ALKBH5: variants seen among roughly 807,000 people sequenced by gnomAD.
ALKBH5 encodes the protein alkB homolog 5, RNA demethylase, also known as RNA demethylase ALKBH5.
A neutral mutation model predicts 32.1 loss-of-function variants in ALKBH5; 2 were observed. The ratio of observed to expected loss-of-function variants is 0.06; its 90% CI spans 0.03 to 0.20. The LOEUF (loss-of-function observed/expected upper bound fraction) is 0.20, where lower values mean the gene tolerates loss of function less well. ALKBH5 is among the 10% of genes least tolerant of loss of function. The pLI, the probability that ALKBH5 is intolerant of heterozygous loss-of-function variation, is 1.00. For missense variants in ALKBH5, 352 were observed against 559.5 expected, an observed-to-expected ratio of 0.63 and a Z score of 3.74; for synonymous variants, 300 against 231.7, an observed-to-expected ratio of 1.29 and a Z score of -2.68.
chr17:18,201,897 C>CCGAG (rs2047243576), intron 2 of ALKBH5, among the ~76,000 whole-genome samples: 1 of 151,978 alleles, frequency 6.6e-6, no homozygotes, highest in Non-Finnish European at 1.5e-5. Context: ...TACCTATAGT[C>CCGAG]CGAGCTACTC....
At chr17:18,199,516 T>C (rs2047224055) in intron 2 of ALKBH5, among the ~76,000 whole-genome samples, 1 of 152,132 alleles carries the variant, frequency 6.6e-6, no homozygotes, top group South Asian at 2.1e-4. Context: ...AGCATCCACA[T>C]ATTAACCTTG....
chr17:18,195,064 C>T (rs781351982), intron 2 of ALKBH5, 29 bp downstream of exon 2: 1 of 1,598,600 alleles, frequency 6.3e-7, no homozygotes, highest in East Asian at 2.2e-5. Flanking sequence ...GACCTTCTGC[C>T]TCACCTGCAG....
intron 2 of ALKBH5, among the ~76,000 whole-genome samples, chr17:18,206,371 GCT>G (rs1465699826): frequency 1.3e-5 from 2 of 152,094 alleles, no homozygotes; most frequent in African/African-American, 4.8e-5. Context: ...GGTAGCTCTG[GCT>G]CTCTTTCTCT....
intron 1 of ALKBH5, among the ~76,000 whole-genome samples, chr17:18,191,278 A>AG (rs1413725309): frequency 6.6e-6 from 1 of 152,178 alleles, no homozygotes; most frequent in East Asian, 1.9e-4. Flanking sequence ...TTCTGAGGAA[A>AG]GGGTCAGTGG....
Position 18,184,453 on chromosome 17 carries a change from C to T in ALKBH5, c.210C>T (p.Asp70=), listed in dbSNP as rs1197257163. 1 of 1,610,964 alleles carries T rather than the reference C, an allele frequency of 6.2e-7. No individual in the cohort carries two copies. The highest frequency in any genetic ancestry group is 8.5e-7 in the Non-Finnish European group (1 of 1,178,962). Residue 70 remains aspartate, a synonymous_variant, in exon 1 of 4, where the codon GAC becomes GAT. Transcript: ENST00000399138. ...YQEDSDPERS[D]YEEQQLQKEE... is the part of the protein sequence containing the mutation. ...AGGACTCGGACCCCGAGCGCAGCGA[C>T]TATGAGGAGCAGCAGCTGCAGAAGG...
intron 1 of ALKBH5, among the ~76,000 whole-genome samples, chr17:18,187,162 A>C (rs2047144336): frequency 6.6e-6 from 1 of 152,030 alleles, no homozygotes; most frequent in African/African-American, 2.4e-5. Flanking sequence ...AAGCACACTG[A>C]AGGGGGACAT....
intron 2 of ALKBH5, among the ~76,000 whole-genome samples, chr17:18,196,647 A>G (rs77428604): frequency 6.6e-6 from 1 of 152,236 alleles, no homozygotes; most frequent in Admixed American, 6.5e-5. Context: ...ATATACTATC[A>G]ATGTAACTTA....
At chr17:18,196,851 G>C (rs1035438677) in intron 2 of ALKBH5, among the ~76,000 whole-genome samples, 11 of 151,970 alleles carry the variant, frequency 7.2e-5, no homozygotes. Context: ...TCTGCAGGGG[G>C]GATTGGTCTA....
In ALKBH5 at chr17:18,194,926, A is replaced by G. The variant is rs374762911; in HGVS notation, c.771-29A>G. ...AACTTTGGTTGTCTGTCTACTCTTC[A>G]TGGTCACATGTTCTGTGTTTCTTTT... On this transcript the variant is annotated intron_variant, in intron 1 of 3. Coordinates refer to ENST00000399138, the MANE Select transcript of ALKBH5 (RefSeq NM_017758.4). The G allele has an allele frequency of 1.9e-5, 31 of 1,610,396 alleles. No homozygotes were observed. In the African/African-American group the frequency reaches 3.3e-4, roughly 17 times the overall value.
chr17:18,206,915 C>T lies in ALKBH5; in HGVS notation c.952C>T (p.Pro318Ser). 1.9e-6 allele frequency: 3 copies of T among 1,614,246 alleles called. No individual in the cohort carries two copies. Among genetic ancestry groups the T allele is most frequent in the Non-Finnish European group, 2.5e-6 (3 of 1,180,050 alleles). The change falls in exon 3 of 4, where the codon CCT becomes TCT. Residue 318 changes from proline to serine, a missense_variant. Physicochemically the swap from Pro to Ser is moderately conservative, Grantham distance 74. This residue lies in a region of ALKBH5 where 124 missense variants were observed against 142.4 expected (regional missense o/e 0.87). Transcript: ENST00000399138. ...SDRLSGNNRD[P>S]ALKPKRSHRK... ...TCGCCTGTCAGGAAACAACAGGGAC[C>T]CTGCTCTGAAACCCAAGCGGTCCCA...
intron 1 of ALKBH5, among the ~76,000 whole-genome samples, chr17:18,186,492 C>T (rs2047140263): frequency 6.6e-6 from 1 of 152,134 alleles, no homozygotes; most frequent in Non-Finnish European, 1.5e-5. Context: ...TAGTCATTGG[C>T]CCTCAGGGTG....
intron 1 of ALKBH5, among the ~76,000 whole-genome samples, chr17:18,190,715 A>G (rs1006443101): frequency 2.6e-5 from 4 of 152,140 alleles, no homozygotes; most frequent in Admixed American, 2.6e-4. Context: ...CTGTGCAGGG[A>G]TGAGTAAGGC....
At chr17:18,194,234 A>G (rs145332068) in intron 1 of ALKBH5, among the ~76,000 whole-genome samples, 247 of 152,086 alleles carry the variant, frequency 1.6e-3, no homozygotes, top group African/African-American at 5.7e-3. Flanking sequence ...GCTCACTGCA[A>G]CTTCTGCCTC....
At chr17:18,185,245 G>A (rs750389867) in intron 1 of ALKBH5, among the ~76,000 whole-genome samples, 8 of 152,176 alleles carry the variant, frequency 5.3e-5, no homozygotes, top group Non-Finnish European at 1.0e-4. Flanking sequence ...CGGGATCACT[G>A]ACTTGGCTGA....
intron 1 of ALKBH5, among the ~76,000 whole-genome samples, chr17:18,188,158 C>T (rs1212834202): frequency 6.6e-6 from 1 of 152,234 alleles, no homozygotes; most frequent in Non-Finnish European, 1.5e-5. Flanking sequence ...TTTTTATCTT[C>T]ATATCACTTT....
chr17:18,208,395 G>A lies in ALKBH5; in HGVS notation c.1184G>A (p.Ter395=). 1.9e-6 allele frequency: 3 copies of A among 1,612,206 alleles called. No individual in the cohort carries two copies. The highest frequency in any genetic ancestry group is 2.5e-6 in the Non-Finnish European group (3 of 1,179,220). The change falls in exon 4 of 4, where the codon TGA becomes TAA. Residue 395 remains the stop codon, a stop_retained_variant. Coordinates refer to ENST00000399138, the MANE Select transcript of ALKBH5 (RefSeq NM_017758.4). ...CGAAAGGTGAAGATGCGGCGGCACT[G>A]AGTCTACCCGCCGCCCTCCTGGGAA... The part of the protein sequence containing the change: ...PARKVKMRRH[*]
intron 1 of ALKBH5, among the ~76,000 whole-genome samples, chr17:18,186,320 G>A (rs753443065): frequency 6.6e-6 from 1 of 152,200 alleles, no homozygotes; most frequent in Non-Finnish European, 1.5e-5. Context: ...CTAGATGGAT[G>A]TCTTGGCAAA....
intron 1 of ALKBH5, among the ~76,000 whole-genome samples, chr17:18,193,159 G>C: frequency 6.6e-6 from 1 of 151,976 alleles, no homozygotes; most frequent in East Asian, 1.9e-4. Flanking sequence ...ACCGTGCCTA[G>C]CCTGTCTACT....
At chr17:18,205,600 T>TC (rs1025744733) in intron 2 of ALKBH5, among the ~76,000 whole-genome samples, 2 of 152,202 alleles carry the variant, frequency 1.3e-5, no homozygotes, top group Non-Finnish European at 2.9e-5. Flanking sequence ...CTTTAAACTT[T>TC]CCCCCGTGAC....
Sources: gnomAD v4.1 joint callset for allele counts (sites outside exome capture counted in the v4.1 genomes callset) on GRCh38, gnomAD v4.1.1 for gene constraint, gnomAD v4.1.1 regional missense constraint, MANE v1.5 for transcripts, NCBI Gene and HGNC (gene_info 2026-07-23, HGNC 2026-07-21) for gene names.